The following ERC2 variants were observed in gnomAD, a reference collection of about 807,000 sequenced individuals.
The protein encoded by ERC2 is ELKS/RAB6-interacting/CAST family member 2, also known as ERC protein 2.
ERC2 carries 42 observed loss-of-function variants against 114.8 expected under a neutral mutation model. The ratio of observed to expected loss-of-function variants is 0.37; its 90% CI spans 0.29 to 0.47. The LOEUF (loss-of-function observed/expected upper bound fraction) is 0.47, where lower values mean the gene tolerates loss of function less well. Ranked by LOEUF, ERC2 falls within the 20% of genes least tolerant of loss-of-function variation. The pLI is 0.99. For missense variants in ERC2, 939 were observed against 1,150.7 expected (o/e 0.82, Z 2.66); for synonymous variants, 454 against 425.5 (o/e 1.07, Z -0.82).
intron 3 of ERC2, among the ~76,000 whole-genome samples, chr3:56,194,449 C>T (rs1016833337): frequency 6.6e-6 from 1 of 151,996 alleles, no homozygotes; most frequent in Non-Finnish European, 1.5e-5. Context: ...CAGAGTGAGA[C>T]CGTCTCTTAA....
chr3:55,757,428 TC>T (rs2067133324), intron 14 of ERC2, among the ~76,000 whole-genome samples: 1 of 152,194 alleles, frequency 6.6e-6, no homozygotes, highest in Non-Finnish European at 1.5e-5. Flanking sequence ...CAGTGCTAAA[TC>T]CAAATTTATG....
intron 2 of ERC2, among the ~76,000 whole-genome samples, chr3:56,421,532 C>T (rs113675457): frequency 0.015 from 2,309 of 152,296 alleles, 25 homozygotes; most frequent in Non-Finnish European, 0.025. Context: ...GTCGCAACAG[C>T]GCAACTCTAG....
At chr3:55,840,383 T>A (rs1006469195) in intron 14 of ERC2, among the ~76,000 whole-genome samples, 1 of 151,886 alleles carries the variant, frequency 6.6e-6, no homozygotes, top group Non-Finnish European at 1.5e-5. Context: ...AATGTTCAAG[T>A]TCATTAGTCT....
intron 13 of ERC2, among the ~76,000 whole-genome samples, chr3:55,944,199 G>A (rs1470761067): frequency 6.6e-6 from 1 of 152,198 alleles, no homozygotes; most frequent in African/African-American, 2.4e-5. Flanking sequence ...TGAGAAATAT[G>A]TTGCGTTTCA....
intron 2 of ERC2, among the ~76,000 whole-genome samples, chr3:56,427,606 C>T (rs778797668): frequency 2.1e-4 from 32 of 152,268 alleles, no homozygotes; most frequent in Non-Finnish European, 4.1e-4. Flanking sequence ...AGGGTAGACT[C>T]TAATCCAATA....
chr3:55,618,557 G>A (rs1290865980), intron 17 of ERC2, among the ~76,000 whole-genome samples: 3 of 152,152 alleles, frequency 2.0e-5, no homozygotes, highest in Non-Finnish European at 4.4e-5. Flanking sequence ...AATGTGGAAA[G>A]TGTCCAACAT....
chr3:56,213,764 C>T (rs971603611), intron 3 of ERC2, among the ~76,000 whole-genome samples: 1 of 152,292 alleles, frequency 6.6e-6, no homozygotes, highest in Non-Finnish European at 1.5e-5. Flanking sequence ...GAGGCACCCC[C>T]CAGTAGGGGC....
intron 6 of ERC2, among the ~76,000 whole-genome samples, chr3:56,114,438 A>C (rs968405678): frequency 6.6e-6 from 1 of 152,176 alleles, no homozygotes; most frequent in Non-Finnish European, 1.5e-5. Flanking sequence ...GTCTAAAGGC[A>C]GTTATCTAGG....
chr3:56,067,803 G>C (rs190470215), intron 7 of ERC2, among the ~76,000 whole-genome samples: 43 of 152,210 alleles, frequency 2.8e-4, no homozygotes, highest in African/African-American at 1.0e-3. Flanking sequence ...ATAATCACGT[G>C]GTTTTTGTCA....
At chr3:55,657,542 G>C (rs2060927552) in intron 17 of ERC2, 1 of 152,060 alleles carries the variant, frequency 6.6e-6, no homozygotes, top group African/African-American at 2.4e-5. Flanking sequence ...TGGAATCTCT[G>C]CTTCCTGGGC....
intron 13 of ERC2, among the ~76,000 whole-genome samples, chr3:55,942,258 G>A (rs1262255001): frequency 8.2e-6 from 1 of 121,394 alleles, no homozygotes; most frequent in Non-Finnish European, 1.6e-5. Context: ...TGAAGTCTAA[G>A]GTCCTTTCTT....
chr3:56,027,869 T>C (rs2074141611), intron 7 of ERC2, among the ~76,000 whole-genome samples: 1 of 152,206 alleles, frequency 6.6e-6, no homozygotes, highest in Non-Finnish European at 1.5e-5. Context: ...GTTTGTTGCC[T>C]AGTCCTAAAT....
chr3:55,665,751 G>T (rs1233021877), intron 17 of ERC2, among the ~76,000 whole-genome samples: 1 of 152,218 alleles, frequency 6.6e-6, no homozygotes, highest in Non-Finnish European at 1.5e-5. Flanking sequence ...CATAAGGTGG[G>T]AAGTGTCATC....
intron 12 of ERC2, among the ~76,000 whole-genome samples, chr3:55,952,404 C>A (rs2067645253): frequency 6.6e-6 from 1 of 151,848 alleles, no homozygotes; most frequent in Non-Finnish European, 1.5e-5. Context: ...ACACGTGAAG[C>A]CACCAAGTCA....
At chr3:55,609,998 A>T (rs1488956431) in intron 17 of ERC2, among the ~76,000 whole-genome samples, 3 of 151,158 alleles carry the variant, frequency 2.0e-5, no homozygotes, top group Non-Finnish European at 3.0e-5. Flanking sequence ...GCACGCATCA[A>T]AATGGGGCAT....
rs1036201660 is a variant in ERC2, at chr3:55,992,310, G to A, written c.2062-60C>T. 3 of 1,414,772 alleles carry A rather than the reference G, an allele frequency of 2.1e-6. No homozygotes were observed. The African/African-American group carries it at 4.3e-5, about 20-fold the overall frequency. The allele number at this position is 1,414,772 out of a possible 1,614,324, so 87.6% of individuals were successfully genotyped here. A position where few individuals can be genotyped will look rare whatever the true frequency, so the allele number is the denominator to read the frequency against. ...ACAACAATTTAGAACAATAGACAGT[G>A]CTGTCACCAATGGTCCAGAAATTAA... On this transcript the variant is annotated intron_variant, in intron 10 of 17. Coordinates refer to ENST00000288221, the MANE Select transcript of ERC2 (RefSeq NM_015576.3).
At chr3:55,976,217 T>C (rs1486912655) in intron 12 of ERC2, among the ~76,000 whole-genome samples, 4 of 152,128 alleles carry the variant, frequency 2.6e-5, no homozygotes, top group Admixed American at 6.5e-5. Flanking sequence ...ATCTGAGAAA[T>C]TGGCCTTCCC....
At chr3:55,897,924 A>G (rs1466677558) in intron 13 of ERC2, among the ~76,000 whole-genome samples, 2 of 152,156 alleles carry the variant, frequency 1.3e-5, no homozygotes, top group Non-Finnish European at 2.9e-5. Context: ...TTTAAGCATC[A>G]AGGAGCTTTG....
At chr3:56,040,889 A>G (rs2075153466) in intron 7 of ERC2, among the ~76,000 whole-genome samples, 1 of 151,298 alleles carries the variant, frequency 6.6e-6, no homozygotes, top group South Asian at 2.1e-4. Flanking sequence ...GTTCAGATTA[A>G]GTCCTATTGA....
Sources: allele counts gnomAD v4.1 joint callset (sites outside exome capture counted in the v4.1 genomes callset), GRCh38; gene constraint gnomAD v4.1.1; transcripts MANE v1.5; gene names NCBI Gene and HGNC (gene_info 2026-07-23, HGNC 2026-07-21).